Variants in ALKBH8 observed in about 807,000 individuals in gnomAD.
ALKBH8 encodes alkB homolog 8, tRNA methyltransferase.
A neutral mutation model predicts 59.8 loss-of-function variants in ALKBH8; 36 were observed. That is an observed-to-expected ratio of 0.60 (90% CI 0.46 to 0.79). The LOEUF is 0.79. Ranked by LOEUF, ALKBH8 falls within the 30% of genes least tolerant of loss-of-function variation. The probability of loss-of-function intolerance (pLI) is 0.00; values close to 1 mark genes in which losing one functional copy is unlikely to be tolerated. For missense variants in ALKBH8, 768 were observed against 801.0 expected, an observed-to-expected ratio of 0.96 and a Z score of 0.50; for synonymous variants, 276 against 273.6, an observed-to-expected ratio of 1.01 and a Z score of -0.09.
chr11:107,513,310 T>C (rs754233163), intron 10 of ALKBH8, among the ~76,000 whole-genome samples: 1 of 152,124 alleles, frequency 6.6e-6, no homozygotes, highest in Non-Finnish European at 1.5e-5. Context: ...TCAACATCAG[T>C]AATCATTAGA....
chr11:107,559,474 A>T (rs1442016425), intron 2 of ALKBH8, among the ~76,000 whole-genome samples: 1 of 152,070 alleles, frequency 6.6e-6, no homozygotes, highest in Non-Finnish European at 1.5e-5. Flanking sequence ...AACCAGAAAC[A>T]AGCTTCAGAG....
At chr11:107,559,646 A>G (rs1051525979) in intron 2 of ALKBH8, among the ~76,000 whole-genome samples, 4 of 152,232 alleles carry the variant, frequency 2.6e-5, no homozygotes, top group Non-Finnish European at 4.4e-5. Context: ...CTGAAACAGT[A>G]AAGTGTATGC....
intron 10 of ALKBH8, among the ~76,000 whole-genome samples, chr11:107,520,435 G>A (rs1863060777): frequency 6.6e-6 from 1 of 152,194 alleles, no homozygotes; most frequent in East Asian, 1.9e-4. Flanking sequence ...ACATAATAAT[G>A]TTATCACTAT....
intron 3 of ALKBH8, 44 bp downstream of exon 3, chr11:107,556,722 C>T (rs776018041): frequency 3.1e-6 from 4 of 1,287,406 alleles, no homozygotes; most frequent in East Asian, 2.8e-5. Context: ...GAAAAGAAAA[C>T]ACCCAGAAGA....
intron 1 of ALKBH8, among the ~76,000 whole-genome samples, chr11:107,563,303 C>T (rs631376): frequency 0.44 from 66,464 of 151,912 alleles, 15,035 homozygotes; most frequent in African/African-American, 0.56. Context: ...GATTAAATCA[C>T]ACTTTTCTTA....
chr11:107,522,572 T>G lies in ALKBH8; in HGVS notation c.1031-17A>C. 1 of 1,544,324 alleles carries G rather than the reference T, an allele frequency of 6.5e-7. No homozygotes were observed. Among genetic ancestry groups the G allele is most frequent in the South Asian group, 1.2e-5 (1 of 82,798 alleles). ...ACGGGTAACCTTAATGAAAAAGCAATACACACCTTTCCTTTTTATCAGAAT... is the reference window on the plus strand; with the variant it reads ...ACGGGTAACCTTAATGAAAAAGCAAGACACACCTTTCCTTTTTATCAGAAT... On this transcript the variant is annotated splice_polypyrimidine_tract_variant and intron_variant, in intron 9 of 11. Coordinates refer to ENST00000428149, the MANE Select transcript of ALKBH8 (RefSeq NM_138775.3).
chr11:107,516,633 C>T (rs1313463338), intron 10 of ALKBH8, among the ~76,000 whole-genome samples: 1 of 152,144 alleles, frequency 6.6e-6, no homozygotes, highest in Non-Finnish European at 1.5e-5. Context: ...AAAGCTTTAA[C>T]TTGAGGAAAC....
At chr11:107,557,784 G>T (rs747406743) in intron 2 of ALKBH8, among the ~76,000 whole-genome samples, 18 of 152,274 alleles carry the variant, frequency 1.2e-4, no homozygotes, top group Non-Finnish European at 1.3e-4. Flanking sequence ...ATTTTGCAGG[G>T]ATGAAAGAGG....
chr11:107,562,046 T>G (rs1222736802), intron 1 of ALKBH8, among the ~76,000 whole-genome samples: 1 of 152,152 alleles, frequency 6.6e-6, no homozygotes, highest in South Asian at 2.1e-4. Context: ...GACTCACACC[T>G]GTAATCTTTA....
intron 11 of ALKBH8, among the ~76,000 whole-genome samples, chr11:107,507,321 AAAT>A (rs1344490446): frequency 4.6e-5 from 7 of 152,194 alleles, no homozygotes; most frequent in Non-Finnish European, 1.5e-5. Context: ...AAAGCCCAGG[AAAT>A]AATCTCAGGT....
At chr11:107,511,868 G>A (rs912288344) in intron 10 of ALKBH8, among the ~76,000 whole-genome samples, 4 of 151,934 alleles carry the variant, frequency 2.6e-5, no homozygotes, top group African/African-American at 7.3e-5. Context: ...TAGCCAACAC[G>A]CCCAGACAAT....
At chr11:107,523,022 A>C (rs1863189520) in intron 9 of ALKBH8, among the ~76,000 whole-genome samples, 1 of 148,940 alleles carries the variant, frequency 6.7e-6, no homozygotes, top group Non-Finnish European at 1.5e-5. Context: ...CTGTTCTGTC[A>C]CTCAATAAAA....
At chr11:107,554,000 T>C in intron 3 of ALKBH8, 22 bp from the exon 4 acceptor site, 4 of 1,612,334 alleles carry the variant, frequency 2.5e-6, no homozygotes, top group Non-Finnish European at 3.4e-6. Context: ...CAAATTAAAA[T>C]AGTCACATGC....
intron 6 of ALKBH8, among the ~76,000 whole-genome samples, chr11:107,551,555 A>G (rs1413539183): frequency 1.3e-5 from 2 of 151,880 alleles, no homozygotes; most frequent in Non-Finnish European, 2.9e-5. Flanking sequence ...TAGTTGGGCC[A>G]TGATGGTGTG....
chr11:107,555,724 A>G (rs932514544), intron 3 of ALKBH8, among the ~76,000 whole-genome samples: 6 of 152,218 alleles, frequency 3.9e-5, no homozygotes, highest in African/African-American at 1.4e-4. Flanking sequence ...TATCTAAAAC[A>G]GGGCTCTTTT....
At chr11:107,556,076 G>A (rs1864694603) in intron 3 of ALKBH8, among the ~76,000 whole-genome samples, 2 of 152,084 alleles carry the variant, frequency 1.3e-5, no homozygotes, top group Admixed American at 6.6e-5. Flanking sequence ...TCAGGAGTTC[G>A]AGGCCAGACT....
At chr11:107,553,419 A>G (rs1433742158) in intron 4 of ALKBH8, among the ~76,000 whole-genome samples, 1 of 152,146 alleles carries the variant, frequency 6.6e-6, no homozygotes, top group Non-Finnish European at 1.5e-5. Context: ...TACCCAATCA[A>G]TCTGAAAACT....
intron 2 of ALKBH8, among the ~76,000 whole-genome samples, chr11:107,559,186 G>A (rs150692165): frequency 2.0e-4 from 31 of 152,182 alleles, no homozygotes; most frequent in South Asian, 4.2e-4. Flanking sequence ...AGGCCTCCCC[G>A]GCCACGTGGA....
rs61329265 is a variant in ALKBH8, at chr11:107,503,381, C to T, written c.*1277G>A. The T allele has an allele frequency of 2.3e-3, 353 of 152,186 alleles. 1 individual carries two copies. Among genetic ancestry groups the T allele is most frequent in the African/African-American group, 7.1e-3 (294 of 41,538 alleles). 9.4% of individuals were successfully genotyped at this position (152,186 alleles called of 1,614,324 possible). ...ATGCTTCAAGATTAAGTATCACTAGCATTAATAACAGTAAACATTAATTAA... is the reference window on the plus strand; with the variant it reads ...ATGCTTCAAGATTAAGTATCACTAGTATTAATAACAGTAAACATTAATTAA... On this transcript the variant is annotated 3_prime_UTR_variant, in exon 12 of 12. Transcript: ENST00000428149.
Sources: allele counts gnomAD v4.1 joint callset (sites outside exome capture counted in the v4.1 genomes callset), GRCh38; gene constraint gnomAD v4.1.1; transcripts MANE v1.5; gene names NCBI Gene and HGNC (gene_info 2026-07-23, HGNC 2026-07-21).